Variants in MVB12B observed in about 807,000 individuals in gnomAD.
MVB12B encodes the protein multivesicular body subunit 12B, also known as ESCRT-I complex subunit MVB12B.
In MVB12B, 16 loss-of-function variants were observed where a neutral mutation model predicts 41.6. The observed-to-expected ratio is 0.38, with a 90% CI of 0.26 to 0.58. The LOEUF (loss-of-function observed/expected upper bound fraction) is 0.58. MVB12B is among the 20% of genes least tolerant of loss of function. The probability of loss-of-function intolerance (pLI) is 0.62; values close to 1 mark genes in which losing one functional copy is unlikely to be tolerated. For missense variants in MVB12B, 274 were observed against 380.2 expected (o/e 0.72, Z 2.32); for synonymous variants, 133 against 139.7 (o/e 0.95, Z 0.34).
chr9:126,357,024 T>G (rs562086606), intron 2 of MVB12B, among the ~76,000 whole-genome samples: 103 of 152,314 alleles, frequency 6.8e-4, no homozygotes, highest in African/African-American at 2.3e-3. Context: ...AATGGCCTAA[T>G]ACAAGCCATC....
Position 126,481,506 on chromosome 9 carries a change from G to T in MVB12B, c.813+82G>T, listed in dbSNP as rs544828602. On this transcript the variant is annotated intron_variant, in intron 8 of 9. Coordinates refer to ENST00000361171, the MANE Select transcript of MVB12B (RefSeq NM_033446.3). ...CCATCCTGATTTACACAGCACGCAG[G>T]GCTGTTCTGGCAGTACTCACGCCCC... is the stretch of plus-strand genomic sequence containing the variant. 33 of 1,017,980 alleles carry T rather than the reference G, an allele frequency of 3.2e-5. No individual in the cohort carries two copies. The Admixed American group carries it at 4.7e-4, about 14-fold the overall frequency. The allele number at this position is 1,017,980 out of a possible 1,614,324, so 63.1% of individuals were successfully genotyped here. A position where few individuals can be genotyped will look rare whatever the true frequency, so the allele number is the denominator to read the frequency against.
intron 6 of MVB12B, among the ~76,000 whole-genome samples, chr9:126,415,717 C>T (rs16928993): frequency 0.056 from 8,493 of 152,056 alleles, 548 homozygotes; most frequent in African/African-American, 0.13. Context: ...ATTTGTTAAG[C>T]GCTCACTGTG....
intron 5 of MVB12B, among the ~76,000 whole-genome samples, chr9:126,394,575 C>G (rs955646828): frequency 1.3e-5 from 2 of 152,158 alleles, no homozygotes; most frequent in Admixed American, 6.5e-5. Context: ...CTACATGTTA[C>G]TTTGCAAGGG....
At chr9:126,366,076 C>T (rs1269143632) in intron 2 of MVB12B, among the ~76,000 whole-genome samples, 1 of 152,120 alleles carries the variant, frequency 6.6e-6, no homozygotes, top group East Asian at 1.9e-4. Context: ...TCTTCCCCTC[C>T]TCTGTGTCTT....
At chr9:126,387,672 T>C (rs1830836386) in intron 4 of MVB12B, among the ~76,000 whole-genome samples, 1 of 152,266 alleles carries the variant, frequency 6.6e-6, no homozygotes, top group South Asian at 2.1e-4. Flanking sequence ...TATTATTTTA[T>C]GTATTACCTG....
intron 6 of MVB12B, chr9:126,408,100 A>G (rs1831498195): frequency 6.6e-6 from 1 of 152,228 alleles, no homozygotes; most frequent in African/African-American, 2.4e-5. Flanking sequence ...TTTCGGTGGA[A>G]ACTTACAGTA....
intron 7 of MVB12B, among the ~76,000 whole-genome samples, chr9:126,455,367 T>C (rs961013590): frequency 6.6e-6 from 1 of 151,904 alleles, no homozygotes; most frequent in Admixed American, 6.6e-5. Context: ...TTTGTATTTT[T>C]AGTAGAGACG....
In MVB12B at chr9:126,391,664, A is replaced by G. The variant is rs1830957721; in HGVS notation, c.410-402A>G. Among the ~76,000 whole-genome samples the G allele has an allele frequency of 6.6e-6, 1 of 152,194 alleles. No homozygotes were observed. Among genetic ancestry groups the G allele is most frequent in the South Asian group, 2.1e-4 (1 of 4,828 alleles). On this transcript the variant is annotated intron_variant, in intron 4 of 9. Transcript: ENST00000361171. This position sits in a 1 kb window ranked among gnomAD's most constrained non-coding sequence, Gnocchi z 4.4. ...TGACGGGAACACGTGGATTCATTCC[A>G]CTGTTCTCTCTGCTTTGGGGTATGT...
chr9:126,456,188 G>A (rs1054323475), intron 7 of MVB12B, among the ~76,000 whole-genome samples: 6 of 152,108 alleles, frequency 3.9e-5, no homozygotes, highest in African/African-American at 1.4e-4. Context: ...ACCACGCCCC[G>A]CCTGATAGGT....
chr9:126,398,689 C>T (rs1831186848), intron 6 of MVB12B, among the ~76,000 whole-genome samples: 1 of 152,154 alleles, frequency 6.6e-6, no homozygotes, highest in Non-Finnish European at 1.5e-5. Flanking sequence ...GTGGCGGTGG[C>T]GGGGAATGCG....
intron 2 of MVB12B, among the ~76,000 whole-genome samples, chr9:126,355,640 A>C (rs1424887784): frequency 6.6e-6 from 1 of 152,196 alleles, no homozygotes; most frequent in East Asian, 1.9e-4. Context: ...CTTGGGCCCC[A>C]AAGAGAGGGA....
rs145092335 is a variant in MVB12B at position 126,335,060 on chromosome 9, A to G, written c.82-5448A>G. 615 of 163,476 alleles carry G rather than the reference A, an allele frequency of 3.8e-3. 13 individuals are homozygous for G. Among genetic ancestry groups the G allele is most frequent in the Admixed American group, 0.022 (344 of 15,306 alleles). 10.1% of individuals were successfully genotyped at this position (163,476 alleles called of 1,614,324 possible). A position where few individuals can be genotyped will look rare whatever the true frequency, so the allele number is the denominator to read the frequency against. On this transcript the variant is annotated intron_variant, in intron 1 of 9. Coordinates refer to ENST00000361171, the MANE Select transcript of MVB12B (RefSeq NM_033446.3). The stretch of plus-strand genomic sequence containing the variant: ...ACACTGGATTCTTCTGTTGGGGGGG[A>G]AAGGAAGTGCTCACAATTGTTAGTT...
chr9:126,428,995 G>A (rs562486015), intron 7 of MVB12B, among the ~76,000 whole-genome samples: 5 of 152,132 alleles, frequency 3.3e-5, no homozygotes, highest in Admixed American at 6.5e-5. Flanking sequence ...TGGCTCAAGC[G>A]GTGGTGGGTG....
At chr9:126,350,836 A>G (rs1782925794) in intron 2 of MVB12B, among the ~76,000 whole-genome samples, 1 of 152,198 alleles carries the variant, frequency 6.6e-6, no homozygotes, top group South Asian at 2.1e-4. Flanking sequence ...GATTCCTTCT[A>G]CTTTATTCTC....
intron 2 of MVB12B, among the ~76,000 whole-genome samples, chr9:126,369,030 T>G (rs1226936480): frequency 6.6e-6 from 1 of 152,202 alleles, no homozygotes; most frequent in African/African-American, 2.4e-5. Context: ...CGTGGTTGAG[T>G]GAGGGCCACA....
At chr9:126,424,426 C>T (rs115766568) in intron 7 of MVB12B, among the ~76,000 whole-genome samples, 213 of 152,214 alleles carry the variant, frequency 1.4e-3, no homozygotes, top group African/African-American at 5.0e-3. Flanking sequence ...AAGGAAGAGA[C>T]GAAGGGAATC....
At chr9:126,349,421 A>AG (rs922250760) in intron 2 of MVB12B, among the ~76,000 whole-genome samples, 5 of 152,186 alleles carry the variant, frequency 3.3e-5, no homozygotes, top group African/African-American at 1.2e-4. Context: ...CATAAAATAT[A>AG]GAAAAAACCT....
chr9:126,434,216 C>T (rs529661034), intron 7 of MVB12B, among the ~76,000 whole-genome samples: 1 of 151,808 alleles, frequency 6.6e-6, no homozygotes, highest in South Asian at 2.1e-4. Context: ...TTATTAATGG[C>T]CAGTGATAGT....
rs537145105 is a variant in MVB12B at position 126,481,359 on chromosome 9, T to C, written c.758-10T>C. ...CCTTTAATGCCATCTTTTTTTTTCT[T>C]CTTTTGCAGCAATGGATGGTGTGCC... On this transcript the variant is annotated splice_polypyrimidine_tract_variant and intron_variant, in intron 7 of 9. Coordinates refer to ENST00000361171, the MANE Select transcript of MVB12B (RefSeq NM_033446.3). 1.5e-5 allele frequency: 24 copies of C among 1,611,940 alleles called. No homozygotes were observed. The African/African-American group carries it at 2.9e-4, about 20-fold the overall frequency.
Sources: gnomAD v4.1 joint callset for allele counts (sites outside exome capture counted in the v4.1 genomes callset) on GRCh38, gnomAD v4.1.1 for gene constraint, Gnocchi (gnomAD v3.1) non-coding constraint, MANE v1.5 for transcripts, NCBI Gene and HGNC (gene_info 2026-07-23, HGNC 2026-07-21) for gene names.